Variants in NOA1 observed in about 807,000 individuals in gnomAD.
NOA1 encodes the protein nitric oxide associated 1.
Under a neutral mutation model 58.4 loss-of-function variants are expected in NOA1, and 35 were observed. The observed-to-expected ratio is 0.60, with a 90% CI of 0.46 to 0.79. The LOEUF (loss-of-function observed/expected upper bound fraction) is 0.79. Among genes scored for constraint, NOA1 ranks in the 30% least tolerant of loss-of-function variants. The pLI, the probability that NOA1 is intolerant of heterozygous loss-of-function variation, is 0.00. For missense variants in NOA1, 895 were observed against 894.6 expected, an observed-to-expected ratio of 1.00 and a Z score of -0.01; for synonymous variants, 397 against 373.4, an observed-to-expected ratio of 1.06 and a Z score of -0.73.
At chr4:56,968,305 G>T in intron 4 of NOA1, 79 bp downstream of exon 4, 1 of 1,370,348 alleles carries the variant, frequency 7.3e-7, no homozygotes, top group Non-Finnish European at 1.0e-6. Flanking sequence ...CATTTTGTCA[G>T]TCGTGTTCAT....
intron 5 of NOA1, among the ~76,000 whole-genome samples, chr4:56,965,912 C>T (rs759126559): frequency 6.8e-6 from 1 of 146,950 alleles, no homozygotes; most frequent in Non-Finnish European, 1.5e-5. Context: ...TCATGGCTCA[C>T]CACAGCCTCA....
At chr4:56,970,550 T>A (rs771672748) in intron 3 of NOA1, among the ~76,000 whole-genome samples, 2 of 151,740 alleles carry the variant, frequency 1.3e-5, no homozygotes, top group Non-Finnish European at 1.5e-5. Flanking sequence ...TGCCTCCCAA[T>A]AAGTGTATCA....
chr4:56,977,070 G>T lies in NOA1; in HGVS notation c.516C>A (p.Gly172=), dbSNP rs746331353. 1 of 1,574,686 alleles carries T rather than the reference G, an allele frequency of 6.4e-7. No homozygotes were observed. The highest frequency in any genetic ancestry group is 8.6e-7 in the Non-Finnish European group (1 of 1,164,806). The change falls in exon 1 of 7, where the codon GGC becomes GGA. Residue 172 remains glycine, a synonymous_variant. Coordinates refer to ENST00000264230, the MANE Select transcript of NOA1 (RefSeq NM_032313.4). ...GCTGGCACACGGTCCGTGCCAGCCC[G>T]CCGTCTGCCTCCGCCGTGCGGAGGA... The part of the protein sequence containing the change: ...EKFLRTAEAD[G]GLARTVCQRC...
At chr4:56,972,762 G>C (rs779887060) in intron 3 of NOA1, among the ~76,000 whole-genome samples, 3 of 152,080 alleles carry the variant, frequency 2.0e-5, no homozygotes, top group Non-Finnish European at 2.9e-5. Context: ...CCCTAACCAA[G>C]GTAACAATCA....
At position 56,976,548 on chromosome 4, in the gene NOA1, G is replaced by A; in HGVS notation, c.1038C>T (p.Ala346=). The change falls in exon 1 of 7, where the codon GCC becomes GCT. Residue 346 remains alanine (A), a synonymous_variant. Coordinates refer to ENST00000264230, the MANE Select transcript of NOA1 (RefSeq NM_032313.4). Reference sequence around the variant, plus strand: ...AGAGAGTGGATTTGCCGGCGTTGGTGGCGCCCACTAAGTAGACGTCCCCAC... The same window carrying A: ...AGAGAGTGGATTTGCCGGCGTTGGTAGCGCCCACTAAGTAGACGTCCCCAC... ...RYRGDVYLVG[A]TNAGKSTLFN... The A allele has an allele frequency of 6.2e-7, 1 of 1,614,242 alleles. No homozygotes were observed. The highest frequency in any genetic ancestry group is 8.5e-7 in the Non-Finnish European group (1 of 1,180,046).
chr4:56,976,778 C>G lies in NOA1; in HGVS notation c.808G>C (p.Glu270Gln). 2 of 1,610,624 alleles carry G rather than the reference C, an allele frequency of 1.2e-6. No homozygotes were observed. The highest frequency in any genetic ancestry group is 4.5e-5 in the East Asian group (2 of 44,812). ...YRQRLRERLW[E>Q]DCARAGLLLA... Reference sequence around the variant, plus strand: ...AGGAGCCCGGCGCGGGCACAGTCCTCCCACAGTCGCTCCCGCAGCCTCTGC... The same window carrying G: ...AGGAGCCCGGCGCGGGCACAGTCCTGCCACAGTCGCTCCCGCAGCCTCTGC... The change falls in exon 1 of 7, where the codon GAG becomes CAG. Residue 270 changes from glutamate (E) to glutamine (Q), a missense_variant. Transcript: ENST00000264230.
Position 56,963,394 on chromosome 4 carries a change from T to A in NOA1, c.*56A>T, listed in dbSNP as rs1319832724. Reference sequence around the variant, plus strand: ...TATGCGTTATATGTTTAATACAAATTCAATGTATTTTGTTGTGTTCAATAC... The same window carrying A: ...TATGCGTTATATGTTTAATACAAATACAATGTATTTTGTTGTGTTCAATAC... On this transcript the variant is annotated 3_prime_UTR_variant, in exon 7 of 7. Coordinates refer to ENST00000264230, the MANE Select transcript of NOA1 (RefSeq NM_032313.4). 5 of 1,331,536 alleles carry A rather than the reference T, an allele frequency of 3.8e-6. No individual in the cohort carries two copies. Among genetic ancestry groups the A allele is most frequent in the Non-Finnish European group, 5.4e-6 (5 of 930,044 alleles). The allele number at this position is 1,331,536 out of a possible 1,614,324, so 82.5% of individuals were successfully genotyped here.
At position 56,976,517 on chromosome 4, in the gene NOA1, T is replaced by A; in HGVS notation, c.1069A>T (p.Thr357Ser). ...GTGCAGTAATCGGACTCCAGGAGCG[T>A]GTTAAAGAGAGTGGATTTGCCGGCG... ...TNAGKSTLFN[T>S]LLESDYCTAK... Residue 357 changes from threonine to serine, a missense_variant, in exon 1 of 7, where the codon ACG becomes TCG. Transcript: ENST00000264230. The A allele has an allele frequency of 6.2e-7, 1 of 1,614,076 alleles. No individual in the cohort carries two copies. Among genetic ancestry groups the A allele is most frequent in the South Asian group, 1.1e-5 (1 of 91,078 alleles).
intron 1 of NOA1, among the ~76,000 whole-genome samples, chr4:56,974,249 A>C (rs1402323288): frequency 1.3e-5 from 2 of 152,240 alleles, no homozygotes; most frequent in African/African-American, 2.4e-5. Flanking sequence ...ACCATTCAGT[A>C]TAAAAGTAAT....
intron 1 of NOA1, among the ~76,000 whole-genome samples, chr4:56,974,827 G>T (rs1189362997): frequency 6.6e-6 from 1 of 151,832 alleles, no homozygotes; most frequent in Non-Finnish European, 1.5e-5. Context: ...TCAGCCTCCT[G>T]AGTAGCTGGG....
intron 1 of NOA1, among the ~76,000 whole-genome samples, chr4:56,974,532 A>T (rs1171386194): frequency 6.6e-6 from 1 of 151,998 alleles, no homozygotes; most frequent in East Asian, 1.9e-4. Flanking sequence ...GCACACTTGT[A>T]GTCCAGCTAT....
Position 56,976,887 on chromosome 4 carries a change from G to A in NOA1, c.699C>T (p.Asp233=). The change falls in exon 1 of 7, where the codon GAC becomes GAT. Residue 233 remains aspartate (D), a synonymous_variant. Coordinates refer to ENST00000264230, the MANE Select transcript of NOA1 (RefSeq NM_032313.4). ...LLDLPDALLP[D]LPALVGPKQL... Reference sequence around the variant, plus strand: ...GCTTGGGGCCCACCAGCGCGGGCAAGTCGGGCAGCAGGGCGTCGGGCAGGT... The same window carrying A: ...GCTTGGGGCCCACCAGCGCGGGCAAATCGGGCAGCAGGGCGTCGGGCAGGT... The A allele has an allele frequency of 6.2e-7, 1 of 1,613,030 alleles. No homozygotes were observed. Among genetic ancestry groups the A allele is most frequent in the Non-Finnish European group, 8.5e-7 (1 of 1,179,844 alleles).
In NOA1 at chr4:56,977,523, C is replaced by G. The variant is rs1721976881; in HGVS notation, c.63G>C (p.Thr21=). The change falls in exon 1 of 7, where the codon ACG becomes ACC. Residue 21 remains threonine, a synonymous_variant. Coordinates refer to ENST00000264230, the MANE Select transcript of NOA1 (RefSeq NM_032313.4). ...LSLFLRGSAP[T]AARHGLREPL... is the part of the protein sequence containing the mutation. Reference sequence around the variant, plus strand: ...GCTCCCGGAGGCCATGGCGCGCTGCCGTGGGAGCGGATCCACGAAGGAAAA... The same window carrying G: ...GCTCCCGGAGGCCATGGCGCGCTGCGGTGGGAGCGGATCCACGAAGGAAAA... The G allele has an allele frequency of 1.2e-6, 2 of 1,612,914 alleles. No individual in the cohort carries two copies. Among genetic ancestry groups the G allele is most frequent in the Middle Eastern group, 1.7e-4 (1 of 6,058 alleles).
In NOA1 at chr4:56,976,651, T is replaced by TG. The variant is rs1224715522; in HGVS notation, c.934_935insC (p.Asp312AlafsTer45). 2 of 1,614,026 alleles carry TG rather than the reference T, an allele frequency of 1.2e-6. No homozygotes were observed. The highest frequency in any genetic ancestry group is 2.7e-5 in the African/African-American group (2 of 74,950). ...GGTCTTGGCGCTGATCAGCCGCACG[T>TG]CCCTGACCACTGTGCGGGACCAGTT... On this transcript the variant is annotated frameshift_variant, in exon 1 of 7. Coordinates refer to ENST00000264230, the MANE Select transcript of NOA1 (RefSeq NM_032313.4). LOFTEE classifies it high-confidence loss of function.
rs1238374519 is a variant in NOA1, at chr4:56,963,605, G to C, written c.1942C>G (p.Pro648Ala). The C allele has an allele frequency of 6.2e-7, 1 of 1,614,050 alleles. No individual in the cohort carries two copies. Among genetic ancestry groups the C allele is most frequent in the East Asian group, 2.2e-5 (1 of 44,870 alleles). The change falls in exon 7 of 7, where the codon CCT (proline) becomes GCT (alanine). Residue 648 changes from proline (P) to alanine (A), a missense_variant. Pro to Ala is a conservative substitution (Grantham distance 27). Around this residue, in one of 3 missense-constraint regions of NOA1, gnomAD observed 212 missense variants for 221.3 expected, o/e 0.96. Transcript: ENST00000264230. The stretch of plus-strand genomic sequence containing the variant: ...CGGACGGTCAAAACTGTTCCTTCAG[G>C]TGTATAGCCTCGGAGATGCAGTCTG... The part of the protein sequence containing the change: ...KDRLHLRGYT[P>A]EGTVLTVRPP...
Position 56,977,131 on chromosome 4 carries a change from T to A in NOA1, c.455A>T (p.Asp152Val), listed in dbSNP as rs1721955326. The A allele has an allele frequency of 6.4e-7, 1 of 1,553,878 alleles. No homozygotes were observed. Among genetic ancestry groups the A allele is most frequent in the East Asian group, 2.4e-5 (1 of 41,728 alleles). The stretch of plus-strand genomic sequence containing the variant: ...GGGCAGGTAGCCGGGCACTCCGGCG[T>A]CCTGGCAGTGCAGCTCTGCCCCACA... Reference protein sequence around the residue: ...SGCGAELHCQDAGVPGYLPRE... With the variant: ...SGCGAELHCQVAGVPGYLPRE... The change falls in exon 1 of 7, where the codon GAC becomes GTC. Residue 152 changes from aspartate (D) to valine (V), a missense_variant. Asp to Val is a radical substitution (Grantham distance 152). This residue lies in a region of NOA1 where 680 missense variants were observed against 656.5 expected (regional missense o/e 1.04). Transcript: ENST00000264230.
Position 56,977,039 on chromosome 4 carries a change from A to C in NOA1, c.547T>G (p.Trp183Gly). ...GLARTVCQRC[W>G]LLSHHRRALR... The stretch of plus-strand genomic sequence containing the variant: ...GCGCGCCGGTGGTGCGACAGCAGCC[A>C]GCAGCGCTGGCACACGGTCCGTGCC... The change falls in exon 1 of 7, where the codon TGG becomes GGG. Residue 183 changes from tryptophan to glycine, a missense_variant. Transcript: ENST00000264230. 1 of 1,586,050 alleles carries C rather than the reference A, an allele frequency of 6.3e-7. No homozygotes were observed. Among genetic ancestry groups the C allele is most frequent in the African/African-American group, 1.3e-5 (1 of 74,660 alleles).
chr4:56,966,101 A>G lies in NOA1; in HGVS notation c.1764+519T>C, dbSNP rs561267022. 7.3e-5 allele frequency among the ~76,000 whole-genome samples: 10 copies of G among 136,914 alleles called. No individual in the cohort carries two copies. The South Asian group carries it at 1.7e-3, about 24-fold the overall frequency. The allele number at this position is 136,914 out of a possible 152,430, so 89.8% of individuals were successfully genotyped here. A position where few individuals can be genotyped will look rare whatever the true frequency, so the allele number is the denominator to read the frequency against. ...TAGCGCAGTAGCGCGATCTTGGCTC[A>G]CTGCAACCTCTGCCGCTCTGGTTCA... On this transcript the variant is annotated intron_variant, in intron 5 of 6. Transcript: ENST00000264230.
chr4:56,976,865 T>C lies in NOA1; in HGVS notation c.721A>G (p.Lys241Glu), dbSNP rs777718559. The change falls in exon 1 of 7, where the codon AAG becomes GAG. Residue 241 changes from lysine (K) to glutamate (E), a missense_variant. Physicochemically the swap from Lys to Glu is moderately conservative, Grantham distance 56 (BLOSUM62 1). Around this residue, in one of 3 missense-constraint regions of NOA1, gnomAD observed 680 missense variants for 656.5 expected, o/e 1.04. Coordinates refer to ENST00000264230, the MANE Select transcript of NOA1 (RefSeq NM_032313.4). ...LPDLPALVGP[K>E]QLIVLGNKVD... ...TTGTTTCCCAGCACGATCAGCTGCT[T>C]GGGGCCCACCAGCGCGGGCAAGTCG... The C allele has an allele frequency of 1.3e-5, 21 of 1,612,910 alleles. No homozygotes were observed. In the South Asian group the frequency reaches 1.8e-4, roughly 13 times the overall value.
Sources: allele counts gnomAD v4.1 joint callset (sites outside exome capture counted in the v4.1 genomes callset), GRCh38; gene constraint gnomAD v4.1.1; regional missense constraint gnomAD v4.1.1; transcripts MANE v1.5; gene names NCBI Gene and HGNC (gene_info 2026-07-23, HGNC 2026-07-21).